NRXN3: variants seen among roughly 807,000 people sequenced by gnomAD.
The protein encoded by NRXN3 is neurexin 3.
A neutral mutation model predicts 137.6 loss-of-function variants in NRXN3; 32 were observed. The ratio of observed to expected loss-of-function variants is 0.23; its 90% CI spans 0.18 to 0.31. NRXN3 has a LOEUF of 0.31. NRXN3 is among the 10% of genes least tolerant of loss of function. NRXN3 has a pLI of 1.00. For missense variants in NRXN3, 1,574 were observed against 2,062.5 expected, an observed-to-expected ratio of 0.76 and a Z score of 4.59; for synonymous variants, 798 against 784.5, an observed-to-expected ratio of 1.02 and a Z score of -0.29.
chr14:79,176,198 G>A (rs1213678411), intron 15 of NRXN3, among the ~76,000 whole-genome samples: 1 of 152,138 alleles, frequency 6.6e-6, no homozygotes, highest in African/African-American at 2.4e-5. Context: ...TGGAAGTTTT[G>A]TCTTCTGCCT....
chr14:78,590,205 T>C (rs1165652940), intron 4 of NRXN3, among the ~76,000 whole-genome samples: 1 of 152,166 alleles, frequency 6.6e-6, no homozygotes, highest in African/African-American at 2.4e-5. Context: ...CAAGGATTCA[T>C]GCAGGTTGGA....
In NRXN3 at chr14:79,778,750, C is replaced by T. The variant is rs567165896; in HGVS notation, c.4015-26362C>T. On this transcript the variant is annotated intron_variant, in intron 19 of 20. Transcript: ENST00000335750. ...GTTTAAAAAAAACATTGTTCAATTT[C>T]TTATACGTTTTTACTAGTGATATTA... 8.3e-4 allele frequency among the ~76,000 whole-genome samples: 126 copies of T among 152,114 alleles called. 1 individual carries two copies. Among genetic ancestry groups the T allele is most frequent in the South Asian group, 1.9e-3 (9 of 4,816 alleles).
At chr14:78,511,651 A>T (rs2096110599) in intron 4 of NRXN3, among the ~76,000 whole-genome samples, 1 of 152,212 alleles carries the variant, frequency 6.6e-6, no homozygotes, top group Non-Finnish European at 1.5e-5. Context: ...AGCAGGTAAG[A>T]TGGAGCCTCA....
intron 4 of NRXN3, among the ~76,000 whole-genome samples, chr14:78,562,726 T>C (rs1230521318): frequency 2.0e-5 from 3 of 152,328 alleles, no homozygotes; most frequent in African/African-American, 7.2e-5. Flanking sequence ...CCCAGCCAAC[T>C]CATAGCACCA....
intron 15 of NRXN3, among the ~76,000 whole-genome samples, chr14:79,435,964 T>C (rs760470538): frequency 6.6e-6 from 1 of 152,068 alleles, no homozygotes; most frequent in Non-Finnish European, 1.5e-5. Flanking sequence ...ATATATCTAA[T>C]TGTTTGATAA....
chr14:78,264,932 C>T (rs1344634333), intron 2 of NRXN3, among the ~76,000 whole-genome samples: 1 of 152,140 alleles, frequency 6.6e-6, no homozygotes, highest in Non-Finnish European at 1.5e-5. Flanking sequence ...TTTAAGACCC[C>T]ACTGTGTGAT....
At chr14:79,432,860 T>C (rs1229992894) in intron 15 of NRXN3, among the ~76,000 whole-genome samples, 2 of 152,204 alleles carry the variant, frequency 1.3e-5, no homozygotes, top group African/African-American at 4.8e-5. Flanking sequence ...GCAATTCTGG[T>C]GACCGAGTTC....
At chr14:79,769,576 G>C (rs1327893095) in intron 19 of NRXN3, among the ~76,000 whole-genome samples, 1 of 152,086 alleles carries the variant, frequency 6.6e-6, no homozygotes, top group African/African-American at 2.4e-5. Context: ...CAAATGCTGA[G>C]AGATTTTGTC....
intron 15 of NRXN3, among the ~76,000 whole-genome samples, chr14:79,008,414 C>T (rs1264494606): frequency 6.6e-6 from 1 of 152,038 alleles, no homozygotes; most frequent in Non-Finnish European, 1.5e-5. Context: ...TGAACACAGA[C>T]AAGTACTATA....
chr14:78,720,427 G>A (rs1316148072), intron 8 of NRXN3, among the ~76,000 whole-genome samples: 5 of 152,142 alleles, frequency 3.3e-5, no homozygotes, highest in South Asian at 2.1e-4. Context: ...GGACTTAATC[G>A]TATCATGGAA....
intron 4 of NRXN3, among the ~76,000 whole-genome samples, chr14:78,506,573 AGTT>A (rs1420979696): frequency 1.7e-4 from 26 of 148,902 alleles, no homozygotes; most frequent in Admixed American, 1.7e-3. Context: ...CCTTACTAAT[AGTT>A]GTTATCAGTT....
At chr14:79,569,660 A>T (rs2097580945) in intron 16 of NRXN3, among the ~76,000 whole-genome samples, 2 of 151,840 alleles carry the variant, frequency 1.3e-5, no homozygotes, top group African/African-American at 4.8e-5. Context: ...ACAGAGAGAC[A>T]GAGAGAGGCA....
chr14:78,445,869 T>C (rs2153700975), intron 4 of NRXN3, among the ~76,000 whole-genome samples: 1 of 152,334 alleles, frequency 6.6e-6, no homozygotes, highest in Middle Eastern at 3.4e-3. Context: ...CTTGCAGAGA[T>C]AGATGAACAT....
chr14:79,765,920 T>G (rs2099054506), intron 19 of NRXN3, among the ~76,000 whole-genome samples: 1 of 152,212 alleles, frequency 6.6e-6, no homozygotes, highest in African/African-American at 2.4e-5. Flanking sequence ...TTCATACAGT[T>G]TGCTTTCAAC....
At chr14:79,617,002 C>A (rs538460711) in intron 16 of NRXN3, among the ~76,000 whole-genome samples, 1 of 152,166 alleles carries the variant, frequency 6.6e-6, no homozygotes, top group South Asian at 2.1e-4. Context: ...GTCCTGATCT[C>A]ATAGGCCTGA....
At chr14:79,030,174 C>T (rs1341688083) in intron 15 of NRXN3, among the ~76,000 whole-genome samples, 1 of 151,434 alleles carries the variant, frequency 6.6e-6, no homozygotes, top group African/African-American at 2.4e-5. Flanking sequence ...AGCCACCACG[C>T]CTGGCCCATT....
intron 16 of NRXN3, among the ~76,000 whole-genome samples, chr14:79,484,406 C>T (rs933605032): frequency 6.6e-6 from 1 of 152,134 alleles, no homozygotes; most frequent in Non-Finnish European, 1.5e-5. Flanking sequence ...CTTTAAACCT[C>T]CTCCAACGCA....
chr14:78,455,940 T>C (rs2094687377), intron 4 of NRXN3, among the ~76,000 whole-genome samples: 1 of 152,234 alleles, frequency 6.6e-6, no homozygotes, highest in Admixed American at 6.5e-5. Flanking sequence ...TGTTTTCAGT[T>C]TGGGAAAGCC....
intron 15 of NRXN3, among the ~76,000 whole-genome samples, chr14:79,381,215 T>A (rs554445641): frequency 6.6e-6 from 1 of 152,220 alleles, no homozygotes; most frequent in South Asian, 2.1e-4. Flanking sequence ...ATGTTTTTTT[T>A]TTTTTTGAAA....
Sources: gnomAD v4.1 joint callset for allele counts (sites outside exome capture counted in the v4.1 genomes callset) on GRCh38, gnomAD v4.1.1 for gene constraint, MANE v1.5 for transcripts, NCBI Gene and HGNC (gene_info 2026-07-23, HGNC 2026-07-21) for gene names.